VMAC: variants seen among roughly 807,000 people sequenced by gnomAD.
The protein encoded by VMAC is vimentin-type intermediate filament-associated coiled-coil protein.
VMAC carries 8 observed loss-of-function variants against 4.8 expected under a neutral mutation model. The observed-to-expected ratio is 1.68, with a 90% CI of 0.99 to 3.03. The LOEUF is 3.03. Among genes scored for constraint, VMAC ranks in the 30% most tolerant of loss-of-function variants. VMAC has a pLI of 0.00. For missense variants in VMAC, 248 were observed against 245.1 expected, an observed-to-expected ratio of 1.01 and a Z score of -0.08; for synonymous variants, 96 against 113.7, an observed-to-expected ratio of 0.84 and a Z score of 0.99.
At chr19:5,906,135 T>TAAA (rs33945799) in intron 1 of VMAC, among the ~76,000 whole-genome samples, 5 of 149,702 alleles carry the variant, frequency 3.3e-5, no homozygotes, top group Non-Finnish European at 7.4e-5. Flanking sequence ...CTGGCTGATT[T>TAAA]AAAAAAAAAA....
In VMAC at chr19:5,908,836, A is replaced by C; in HGVS notation, c.204A>C (p.Thr68=). The C allele has an allele frequency of 6.2e-7, 1 of 1,613,102 alleles. No homozygotes were observed. The highest frequency in any genetic ancestry group is 8.5e-7 in the Non-Finnish European group (1 of 1,179,778). The change falls in exon 2 of 2, where the codon ACA becomes ACC. Residue 68 remains threonine (T), a synonymous_variant. Coordinates refer to ENST00000339485, the MANE Select transcript of VMAC (RefSeq NM_001017921.4). This position sits in a 1 kb window ranked among gnomAD's most constrained non-coding sequence, Gnocchi z 4.5. The part of the protein sequence containing the change: ...LGRAKDREIA[T]LQEQLMTSEA... ...GCCTTCCTGCCAGTGAGATTGCCAC[A>C]CTCCAGGAGCAGCTGATGACCTCAG...
chr19:5,906,047 C>T (rs150926741), intron 1 of VMAC, among the ~76,000 whole-genome samples: 2,655 of 152,042 alleles, frequency 0.017, 73 homozygotes, highest in African/African-American at 0.06. Flanking sequence ...TGCAGTGGTG[C>T]GATCTCGACT....
rs1049604860 is a variant in VMAC at position 5,910,800 on chromosome 19, TTC to T, written c.*1660_*1661del. On this transcript the variant is annotated 3_prime_UTR_variant, in exon 2 of 2. Coordinates refer to ENST00000339485, the MANE Select transcript of VMAC (RefSeq NM_001017921.4). ...ATTCTGGGGGAAGTTATTGCTGAAA[TTC>T]TGTTTTCTTTCTTTCTTTCTTTTTT... 7.6e-6 allele frequency: 1 copy of T among 131,856 alleles called. No homozygotes were observed. Among genetic ancestry groups the T allele is most frequent in the African/African-American group, 2.9e-5 (1 of 34,280 alleles). 8.2% of individuals were successfully genotyped at this position (131,856 alleles called of 1,614,324 possible).
At chr19:5,907,258 G>A (rs561332019) in intron 1 of VMAC, among the ~76,000 whole-genome samples, 2 of 151,998 alleles carry the variant, frequency 1.3e-5, no homozygotes, top group Admixed American at 6.6e-5. Flanking sequence ...CCATCATAGA[G>A]ACCCCCACCC....
In VMAC at chr19:5,908,533, T is replaced by C. The variant is rs2057686794; in HGVS notation, c.192-291T>C. ...AGGGAGGCTGAGGCAGGAGAATTGC[T>C]TGAACCCTGGAGCCGGAAGTTGCAG... On this transcript the variant is annotated intron_variant, in intron 1 of 1. Transcript: ENST00000339485. The surrounding 1 kb of genome is among the most constrained non-coding windows in gnomAD (Gnocchi z 4.5). Among the ~76,000 whole-genome samples the C allele has an allele frequency of 6.6e-6, 1 of 151,644 alleles. No individual in the cohort carries two copies. The highest frequency in any genetic ancestry group is 6.6e-5 in the Admixed American group (1 of 15,212).
chr19:5,906,617 T>C (rs926298539), intron 1 of VMAC, among the ~76,000 whole-genome samples: 5 of 152,190 alleles, frequency 3.3e-5, no homozygotes, highest in African/African-American at 7.2e-5. Flanking sequence ...CTCTGAGGGA[T>C]CTCAGAGTGA....
Position 5,908,939 on chromosome 19 carries a change from C to T in VMAC, c.307C>T (p.Leu103=), listed in dbSNP as rs1054599093. The T allele has an allele frequency of 1.2e-6, 2 of 1,613,678 alleles. No homozygotes were observed. Among genetic ancestry groups the T allele is most frequent in the Admixed American group, 1.7e-5 (1 of 60,022 alleles). The change falls in exon 2 of 2, where the codon CTG becomes TTG. Residue 103 remains leucine (L), a synonymous_variant. Coordinates refer to ENST00000339485, the MANE Select transcript of VMAC (RefSeq NM_001017921.4). The surrounding 1 kb of genome is among the most constrained non-coding windows in gnomAD (Gnocchi z 4.5). ...TAGGCAGTTGCAGCCCCGGGCTGAG[C>T]TGCTGCAGGACATCTGCCGCCGCCG... ...LIRQLQPRAE[L]LQDICRRRPP...
rs1203723054 is a variant in VMAC, at chr19:5,908,379, G to C, written c.192-445G>C. Reference sequence around the variant, plus strand: ...CGCCTGTAATCCCAGCACTTTGAGAGGCCATGGCGGGTGGATCACGTGGTC... The same window carrying C: ...CGCCTGTAATCCCAGCACTTTGAGACGCCATGGCGGGTGGATCACGTGGTC... On this transcript the variant is annotated intron_variant, in intron 1 of 1. Transcript: ENST00000339485. The surrounding 1 kb of genome is among the most constrained non-coding windows in gnomAD (Gnocchi z 4.5). Among the ~76,000 whole-genome samples, 3 of 151,942 alleles carry C rather than the reference G, an allele frequency of 2.0e-5. No individual in the cohort carries two copies. The highest frequency in any genetic ancestry group is 7.3e-5 in the African/African-American group (3 of 41,342).
At chr19:5,905,181 T>A in intron 1 of VMAC, 100 bp downstream of exon 1, 1 of 1,207,828 alleles carries the variant, frequency 8.3e-7, no homozygotes, top group Non-Finnish European at 1.1e-6. Context: ...CGTGTGCACT[T>A]GTATAGACGC....
intron 1 of VMAC, 110 bp downstream of exon 1, chr19:5,905,191 C>G: frequency 3.5e-6 from 4 of 1,148,712 alleles, no homozygotes; most frequent in Non-Finnish European, 4.5e-6. Context: ...TGTATAGACG[C>G]TAGACTGAGT....
intron 1 of VMAC, among the ~76,000 whole-genome samples, chr19:5,906,459 G>A (rs1481090416): frequency 1.3e-5 from 2 of 152,242 alleles, no homozygotes; most frequent in Non-Finnish European, 2.9e-5. Context: ...AGCACCTACT[G>A]TGTGTCAGGC....
Position 5,908,726 on chromosome 19 carries a change from C to T in VMAC, c.192-98C>T. ...CAGTGGTGAGGAATGCGGGCTTTAT[C>T]CCAAAGGTGATGGGGAACCTCTTGC... On this transcript the variant is annotated intron_variant, in intron 1 of 1. Coordinates refer to ENST00000339485, the MANE Select transcript of VMAC (RefSeq NM_001017921.4). This position sits in a 1 kb window ranked among gnomAD's most constrained non-coding sequence, Gnocchi z 4.5. 3 of 1,299,402 alleles carry T rather than the reference C, an allele frequency of 2.3e-6. No individual in the cohort carries two copies. Among genetic ancestry groups the T allele is most frequent in the Non-Finnish European group, 3.3e-6 (3 of 920,552 alleles). 80.5% of individuals were successfully genotyped at this position (1,299,402 alleles called of 1,614,324 possible).
chr19:5,907,208 AGG>A, intron 1 of VMAC, among the ~76,000 whole-genome samples: 1 of 152,222 alleles, frequency 6.6e-6, no homozygotes, highest in African/African-American at 2.4e-5. Context: ...AGAGAGAGCC[AGG>A]GAGTTCTTTT....
chr19:5,906,192 A>T (rs2057678492), intron 1 of VMAC, among the ~76,000 whole-genome samples: 1 of 150,672 alleles, frequency 6.6e-6, no homozygotes, highest in African/African-American at 2.4e-5. Context: ...CTGGCCTTGA[A>T]CTCCTGGGCT....
At position 5,910,139 on chromosome 19, in the gene VMAC, G is replaced by A. The variant is rs527317952; in HGVS notation, c.*997G>A. 6.6e-6 allele frequency: 1 copy of A among 152,350 alleles called. No homozygotes were observed. The highest frequency in any genetic ancestry group is 2.4e-5 in the African/African-American group (1 of 41,564). 9.4% of individuals were successfully genotyped at this position (152,350 alleles called of 1,614,324 possible). On this transcript the variant is annotated 3_prime_UTR_variant, in exon 2 of 2. Coordinates refer to ENST00000339485, the MANE Select transcript of VMAC (RefSeq NM_001017921.4). ...TGACCCCTCAGTGCAGTAACAATGG[G>A]CCCATTTTCTCCTCTGGATGAACAA...
At chr19:5,906,251 C>G (rs888909307) in intron 1 of VMAC, among the ~76,000 whole-genome samples, 1 of 152,164 alleles carries the variant, frequency 6.6e-6, no homozygotes, top group Admixed American at 6.5e-5. Context: ...ATTATAGGCA[C>G]GAGCCACCAT....
rs2057691835 is a variant in VMAC at position 5,909,834 on chromosome 19, C to T, written c.*692C>T. ...ATGCAACTGTCTCCTTTTTATACGC[C>T]CTAAAGAATATATTTTTGAACTCCT... On this transcript the variant is annotated 3_prime_UTR_variant, in exon 2 of 2. Transcript: ENST00000339485. The T allele has an allele frequency of 6.6e-6, 1 of 152,240 alleles. No individual in the cohort carries two copies. Among genetic ancestry groups the T allele is most frequent in the African/African-American group, 2.4e-5 (1 of 41,510 alleles). 9.4% of individuals were successfully genotyped at this position (152,240 alleles called of 1,614,324 possible). A position where few individuals can be genotyped will look rare whatever the true frequency, so the allele number is the denominator to read the frequency against.
chr19:5,908,738 G>A lies in VMAC; in HGVS notation c.192-86G>A. On this transcript the variant is annotated intron_variant, in intron 1 of 1. Transcript: ENST00000339485. The surrounding 1 kb of genome is among the most constrained non-coding windows in gnomAD (Gnocchi z 4.5). The stretch of plus-strand genomic sequence containing the variant: ...ATGCGGGCTTTATCCCAAAGGTGAT[G>A]GGGAACCTCTTGCGGGTCCAGAGCA... 2 of 1,429,786 alleles carry A rather than the reference G, an allele frequency of 1.4e-6. No individual in the cohort carries two copies. Among genetic ancestry groups the A allele is most frequent in the Non-Finnish European group, 1.9e-6 (2 of 1,033,022 alleles). 88.6% of individuals were successfully genotyped at this position (1,429,786 alleles called of 1,614,324 possible).
chr19:5,908,043 A>C lies in VMAC; in HGVS notation c.192-781A>C, dbSNP rs2057685036. Among the ~76,000 whole-genome samples the C allele has an allele frequency of 1.3e-5, 2 of 152,174 alleles. No homozygotes were observed. Among genetic ancestry groups the C allele is most frequent in the African/African-American group, 4.8e-5 (2 of 41,448 alleles). ...GGACTTCATCATATGAATTTTGGGG[A>C]GACAGAAAGATGCAGTTCAGGCTGG... On this transcript the variant is annotated intron_variant, in intron 1 of 1. Coordinates refer to ENST00000339485, the MANE Select transcript of VMAC (RefSeq NM_001017921.4). The surrounding 1 kb of genome is among the most constrained non-coding windows in gnomAD (Gnocchi z 4.5).
Sources: gnomAD v4.1 joint callset for allele counts (sites outside exome capture counted in the v4.1 genomes callset) on GRCh38, gnomAD v4.1.1 for gene constraint, Gnocchi (gnomAD v3.1) non-coding constraint, MANE v1.5 for transcripts, NCBI Gene and HGNC (gene_info 2026-07-23, HGNC 2026-07-21) for gene names.